The following GSG1L variants were observed in gnomAD, a reference collection of about 807,000 sequenced individuals.
GSG1L encodes GSG1 like.
A neutral mutation model predicts 42.1 loss-of-function variants in GSG1L; 24 were observed. The observed-to-expected ratio is 0.57, with a 90% CI of 0.41 to 0.80. GSG1L has a LOEUF of 0.80. Among genes scored for constraint, GSG1L ranks in the 30% least tolerant of loss-of-function variants. GSG1L has a pLI of 0.00. For synonymous variants in GSG1L, 215 were observed against 203.5 expected (o/e 1.06, Z -0.48); for missense variants, 445 against 472.2 (o/e 0.94, Z 0.53).
chr16:27,845,382 C>T (rs2083431781), intron 3 of GSG1L, among the ~76,000 whole-genome samples: 1 of 152,190 alleles, frequency 6.6e-6, no homozygotes, highest in African/African-American at 2.4e-5. Flanking sequence ...GTGTATGCCA[C>T]TATGACAGGC....
At chr16:28,035,183 T>G (rs1248951624) in intron 1 of GSG1L, among the ~76,000 whole-genome samples, 3 of 151,906 alleles carry the variant, frequency 2.0e-5, no homozygotes, top group Non-Finnish European at 2.9e-5. Flanking sequence ...ATGCTGTTTT[T>G]GTTTTTGTTT....
At chr16:27,989,799 A>T (rs940465035) in intron 1 of GSG1L, among the ~76,000 whole-genome samples, 11 of 152,118 alleles carry the variant, frequency 7.2e-5, no homozygotes, top group Non-Finnish European at 1.3e-4. Flanking sequence ...ATGGTGTTTA[A>T]CTTTCTTTGA....
intron 1 of GSG1L, among the ~76,000 whole-genome samples, chr16:27,981,333 C>G (rs1005226238): frequency 6.6e-6 from 1 of 152,150 alleles, no homozygotes; most frequent in Non-Finnish European, 1.5e-5. Context: ...AGTCCTGGTC[C>G]CCAGCAAATG....
At chr16:27,882,083 G>A (rs917474116) in intron 3 of GSG1L, among the ~76,000 whole-genome samples, 8 of 152,270 alleles carry the variant, frequency 5.3e-5, no homozygotes, top group Non-Finnish European at 1.0e-4. Context: ...CGTGTCATGG[G>A]AGGGACCCAG....
intron 4 of GSG1L, among the ~76,000 whole-genome samples, chr16:27,840,828 C>T (rs935200522): frequency 4.6e-5 from 7 of 152,086 alleles, no homozygotes; most frequent in Non-Finnish European, 1.0e-4. Flanking sequence ...CTGTGTGAAG[C>T]CCCTCCGGCC....
chr16:27,819,019 G>T (rs1051138549), intron 5 of GSG1L, among the ~76,000 whole-genome samples: 3 of 152,174 alleles, frequency 2.0e-5, no homozygotes, highest in Admixed American at 2.0e-4. Context: ...GGAGGCCGAG[G>T]CGAGTGGATC....
intron 6 of GSG1L, among the ~76,000 whole-genome samples, chr16:27,796,434 T>G (rs1340987904): frequency 6.6e-6 from 1 of 152,204 alleles, no homozygotes; most frequent in Non-Finnish European, 1.5e-5. Flanking sequence ...TCATCACATA[T>G]GGGAATATCT....
chr16:27,930,742 A>G (rs1424248070), intron 2 of GSG1L, among the ~76,000 whole-genome samples: 1 of 152,156 alleles, frequency 6.6e-6, no homozygotes, highest in Non-Finnish European at 1.5e-5. Context: ...CTTTTTTTAA[A>G]GAGACAGGGT....
chr16:27,936,804 C>T (rs1056665837), intron 2 of GSG1L, among the ~76,000 whole-genome samples: 3 of 152,196 alleles, frequency 2.0e-5, no homozygotes, highest in Admixed American at 6.5e-5. Context: ...ACTGCAATTA[C>T]TCAATGCATG....
At position 27,891,326 on chromosome 16, in the gene GSG1L, ATC is replaced by A. The variant is rs1596590889; in HGVS notation, c.398-6690_398-6689del. On this transcript the variant is annotated intron_variant, in intron 2 of 6. Coordinates refer to ENST00000447459, the MANE Select transcript of GSG1L (RefSeq NM_001109763.2). ...CATTCTTATTACCTCAATCAAAAGA[ATC>A]TCTGTGTGGTGCTAATAGGTCCTTA... Among the ~76,000 whole-genome samples the A allele has an allele frequency of 2.6e-5, 4 of 152,260 alleles. No homozygotes were observed. The East Asian group carries it at 7.7e-4, about 29-fold the overall frequency.
At chr16:27,901,671 C>T (rs149870448) in intron 2 of GSG1L, among the ~76,000 whole-genome samples, 11 of 152,336 alleles carry the variant, frequency 7.2e-5, no homozygotes, top group East Asian at 3.9e-4. Context: ...TTCAGATGCA[C>T]GGGCCATTTT....
chr16:27,870,741 G>A (rs187881692), intron 3 of GSG1L, among the ~76,000 whole-genome samples: 120 of 151,542 alleles, frequency 7.9e-4, no homozygotes, highest in Admixed American at 1.3e-3. Flanking sequence ...CATCATGGTC[G>A]CAGCCTGGCA....
At chr16:27,923,980 C>T (rs2084561712) in intron 2 of GSG1L, among the ~76,000 whole-genome samples, 1 of 151,904 alleles carries the variant, frequency 6.6e-6, no homozygotes, top group African/African-American at 2.4e-5. Context: ...CCTCTCTGGG[C>T]CTCAGTCTCC....
At chr16:27,928,745 C>T (rs573077374) in intron 2 of GSG1L, among the ~76,000 whole-genome samples, 1 of 152,282 alleles carries the variant, frequency 6.6e-6, no homozygotes, top group East Asian at 1.9e-4. Flanking sequence ...TGATGCTGGT[C>T]AGAAGCCACA....
intron 3 of GSG1L, among the ~76,000 whole-genome samples, chr16:27,871,792 A>G (rs1226040961): frequency 6.6e-6 from 1 of 152,244 alleles, no homozygotes; most frequent in Non-Finnish European, 1.5e-5. Context: ...AAAAGATCCT[A>G]TCTTCTATAA....
chr16:27,936,166 C>A (rs1156233665), intron 2 of GSG1L, among the ~76,000 whole-genome samples: 1 of 152,036 alleles, frequency 6.6e-6, no homozygotes, highest in Non-Finnish European at 1.5e-5. Context: ...AGACTCACAG[C>A]ATCCTTATCG....
At chr16:27,817,639 G>A (rs551129937) in intron 5 of GSG1L, among the ~76,000 whole-genome samples, 1 of 152,256 alleles carries the variant, frequency 6.6e-6, no homozygotes, top group African/African-American at 2.4e-5. Flanking sequence ...AATTATAAGT[G>A]TGTGCCAACA....
chr16:27,883,138 A>AG (rs1555505996), intron 3 of GSG1L, among the ~76,000 whole-genome samples: 3 of 25,704 alleles, frequency 1.2e-4, no homozygotes, highest in East Asian at 1.7e-3. Context: ...AAAAAAAAAA[A>AG]AGAGAGAGAG....
intron 4 of GSG1L, among the ~76,000 whole-genome samples, chr16:27,844,073 G>A (rs2083416715): frequency 1.3e-5 from 2 of 152,124 alleles, no homozygotes; most frequent in South Asian, 4.2e-4. Flanking sequence ...AGTGACTCTG[G>A]AACAAACGTG....
Sources: allele counts gnomAD v4.1 joint callset (sites outside exome capture counted in the v4.1 genomes callset), GRCh38; gene constraint gnomAD v4.1.1; transcripts MANE v1.5; gene names NCBI Gene and HGNC (gene_info 2026-07-23, HGNC 2026-07-21).